ZNF722: variants seen among roughly 807,000 people sequenced by gnomAD.
ZNF722 encodes zinc finger protein 722.
the ZNF722 span, chr7:64,015,732 A>G: frequency 6.2e-7 from 1 of 1,613,750 alleles, no homozygotes; most frequent in Non-Finnish European, 8.5e-7. Flanking sequence ...TACTGGAGAG[A>G]AACCCTACAC....
chr7:64,013,819 G>C, the ZNF722 span, among the ~76,000 whole-genome samples: 1 of 152,038 alleles, frequency 6.6e-6, no homozygotes, highest in Non-Finnish European at 1.5e-5. Flanking sequence ...TAGGGTACAT[G>C]CAGTGCTTAT....
the ZNF722 span, among the ~76,000 whole-genome samples, chr7:64,002,343 G>T: frequency 6.6e-6 from 1 of 152,260 alleles, no homozygotes; most frequent in East Asian, 1.9e-4. Flanking sequence ...TGGATGTTTA[G>T]TGACATACAT....
chr7:64,006,653 A>G, the ZNF722 span, among the ~76,000 whole-genome samples: 3 of 152,166 alleles, frequency 2.0e-5, no homozygotes, highest in African/African-American at 4.8e-5. Flanking sequence ...GAGAAACTCT[A>G]CGTTAAACTA....
At chr7:64,016,568 T>C in the ZNF722 span, among the ~76,000 whole-genome samples, 6 of 152,186 alleles carry the variant, frequency 3.9e-5, no homozygotes, top group Non-Finnish European at 8.8e-5. Flanking sequence ...TGAACCCTTA[T>C]TATACATAAG....
At chr7:64,017,910 C>G in the ZNF722 span, among the ~76,000 whole-genome samples, 1 of 152,132 alleles carries the variant, frequency 6.6e-6, no homozygotes, top group African/African-American at 2.4e-5. Context: ...AATATTGTAA[C>G]TCAAGTCTCA....
At chr7:63,998,870 C>G in the ZNF722 span, 5 of 1,410,978 alleles carry the variant, frequency 3.5e-6, no homozygotes, top group East Asian at 2.3e-5. Flanking sequence ...CTCTGCGTCC[C>G]GAGCTCCAGT....
the ZNF722 span, among the ~76,000 whole-genome samples, chr7:64,017,727 T>G: frequency 3.3e-5 from 5 of 152,308 alleles, no homozygotes; most frequent in African/African-American, 1.2e-4. Context: ...GTAGAAAGAA[T>G]GAAGGCACTG....
chr7:64,000,119 C>CTTT, the ZNF722 span, among the ~76,000 whole-genome samples: 67 of 142,772 alleles, frequency 4.7e-4, 1 homozygote, highest in Middle Eastern at 3.5e-3. Flanking sequence ...TTTTCCCTTA[C>CTTT]TTTTTTTTTT....
At chr7:64,010,285 C>T in the ZNF722 span, among the ~76,000 whole-genome samples, 1 of 152,120 alleles carries the variant, frequency 6.6e-6, no homozygotes, top group Non-Finnish European at 1.5e-5. Flanking sequence ...CTTCTGCTAG[C>T]TTTTGAATTT....
chr7:64,000,039 C>T, the ZNF722 span, among the ~76,000 whole-genome samples: 1 of 151,170 alleles, frequency 6.6e-6, no homozygotes, highest in Non-Finnish European at 1.5e-5. Flanking sequence ...AAGTGAGAAC[C>T]GAAAAAAATC....
chr7:64,005,700 A>G, the ZNF722 span: 14 of 1,568,830 alleles, frequency 8.9e-6, no homozygotes, highest in Admixed American at 1.7e-5. Context: ...TTATATAGAG[A>G]TGTGATGTTA....
At chr7:64,009,936 T>C in the ZNF722 span, among the ~76,000 whole-genome samples, 2 of 152,202 alleles carry the variant, frequency 1.3e-5, no homozygotes, top group Non-Finnish European at 2.9e-5. Context: ...TATTGGTCTA[T>C]TCAGGGATTC....
At chr7:64,000,427 A>C in the ZNF722 span, among the ~76,000 whole-genome samples, 2 of 98,312 alleles carry the variant, frequency 2.0e-5, no homozygotes, top group African/African-American at 4.3e-5. Flanking sequence ...GTGAGCCACC[A>C]TGCCCGGCCT....
the ZNF722 span, chr7:64,016,054 T>C: frequency 3.8e-5 from 25 of 655,896 alleles, no homozygotes; most frequent in South Asian, 6.5e-4. Context: ...AGAATCCATA[T>C]TGGACAAAAA....
chr7:64,002,628 CA>C, the ZNF722 span, among the ~76,000 whole-genome samples: 2 of 152,074 alleles, frequency 1.3e-5, no homozygotes, highest in Non-Finnish European at 1.5e-5. Context: ...AAAAATTATT[CA>C]ACACTTAGTA....
At chr7:64,017,974 TG>T in the ZNF722 span, among the ~76,000 whole-genome samples, 1 of 152,234 alleles carries the variant, frequency 6.6e-6, no homozygotes. Context: ...GATCAATTGT[TG>T]CATCAGAGAT....
chr7:64,004,318 A>G, the ZNF722 span, among the ~76,000 whole-genome samples: 1 of 149,188 alleles, frequency 6.7e-6, no homozygotes, highest in Non-Finnish European at 1.5e-5. Flanking sequence ...ATGAGGCAGG[A>G]GAATTGCTTG....
At chr7:64,008,355 T>C in the ZNF722 span, among the ~76,000 whole-genome samples, 1 of 152,206 alleles carries the variant, frequency 6.6e-6, no homozygotes, top group African/African-American at 2.4e-5. Flanking sequence ...TAGGTTTTCT[T>C]CTAGGGTTTT....
the ZNF722 span, among the ~76,000 whole-genome samples, chr7:64,010,902 C>T: frequency 6.6e-6 from 1 of 152,124 alleles, no homozygotes; most frequent in Non-Finnish European, 1.5e-5. Context: ...TCTCTAAGGA[C>T]TTGCTTTATG....
Sources: allele counts gnomAD v4.1 joint callset (sites outside exome capture counted in the v4.1 genomes callset), GRCh38; gene constraint gnomAD v4.1.1; transcripts MANE v1.5; gene names NCBI Gene and HGNC (gene_info 2026-07-23, HGNC 2026-07-21).